The following ASAP1 variants were observed in gnomAD, a reference collection of about 807,000 sequenced individuals.
The protein encoded by ASAP1 is arf-GAP with SH3 domain, ANK repeat and PH domain-containing protein 1.
A neutral mutation model predicts 145.2 loss-of-function variants in ASAP1; 43 were observed. The observed-to-expected ratio is 0.30, with a 90% CI of 0.23 to 0.38. The LOEUF is 0.38. ASAP1 is among the 10% of genes least tolerant of loss of function. The probability of loss-of-function intolerance (pLI) is 1.00; values close to 1 mark genes in which losing one functional copy is unlikely to be tolerated. For synonymous variants in ASAP1, 546 were observed against 515.5 expected (o/e 1.06, Z -0.80); for missense variants, 1,018 against 1,355.3 (o/e 0.75, Z 3.91).
intron 5 of ASAP1, among the ~76,000 whole-genome samples, chr8:130,188,432 A>C (rs1268275243): frequency 6.6e-6 from 1 of 151,994 alleles, no homozygotes; most frequent in Non-Finnish European, 1.5e-5. Flanking sequence ...AGGAGCTAAG[A>C]TTTGAATTTA....
In ASAP1 at chr8:130,052,483, C is replaced by T. The variant is rs2097394842; in HGVS notation, c.*2248G>A. ...GTACAAAATTGCAGATAGTGGCTTA[C>T]TGAGTTTAAGATCAAGATCAGACTT... On this transcript the variant is annotated 3_prime_UTR_variant, in exon 30 of 30. Transcript: ENST00000518721. 1 of 152,484 alleles carries T rather than the reference C, an allele frequency of 6.6e-6. No individual in the cohort carries two copies. The highest frequency in any genetic ancestry group is 2.4e-5 in the African/African-American group (1 of 41,414). 9.4% of individuals were successfully genotyped at this position (152,484 alleles called of 1,614,324 possible).
chr8:130,292,938 A>T (rs1473287875), intron 3 of ASAP1, among the ~76,000 whole-genome samples: 2 of 152,198 alleles, frequency 1.3e-5, no homozygotes, highest in African/African-American at 4.8e-5. Flanking sequence ...CGAATGTACT[A>T]TTATTTTCAT....
At chr8:130,065,351 C>T (rs562195586) in intron 27 of ASAP1, among the ~76,000 whole-genome samples, 2 of 152,272 alleles carry the variant, frequency 1.3e-5, no homozygotes, top group South Asian at 2.1e-4. Context: ...TTGGCCTCCA[C>T]GGGTTTAGCT....
chr8:130,210,515 T>C (rs1409852875), intron 5 of ASAP1, among the ~76,000 whole-genome samples: 1 of 152,174 alleles, frequency 6.6e-6, no homozygotes, highest in Non-Finnish European at 1.5e-5. Context: ...CTCTCACTCT[T>C]TCCAATATGC....
At chr8:130,097,356 T>C (rs2097520685) in intron 24 of ASAP1, among the ~76,000 whole-genome samples, 1 of 152,050 alleles carries the variant, frequency 6.6e-6, no homozygotes, top group African/African-American at 2.4e-5. Flanking sequence ...TCTTCTGATC[T>C]GTTCTTCACC....
chr8:130,235,739 C>T (rs1325758536), intron 4 of ASAP1, among the ~76,000 whole-genome samples: 2 of 152,052 alleles, frequency 1.3e-5, no homozygotes, highest in African/African-American at 2.4e-5. Context: ...GTCTCAAGGC[C>T]TAGGGGGGTT....
At chr8:130,225,873 T>C (rs766964140) in intron 4 of ASAP1, among the ~76,000 whole-genome samples, 3 of 152,060 alleles carry the variant, frequency 2.0e-5, no homozygotes, top group African/African-American at 4.8e-5. Flanking sequence ...TAGAGCTAGG[T>C]AGATTAAGAT....
intron 5 of ASAP1, among the ~76,000 whole-genome samples, chr8:130,211,649 T>A (rs992361935): frequency 6.6e-6 from 1 of 152,214 alleles, no homozygotes; most frequent in African/African-American, 2.4e-5. Context: ...CTTTCCTTTT[T>A]CTCCATAAAA....
chr8:130,075,711 T>A (rs1181958006), intron 27 of ASAP1, among the ~76,000 whole-genome samples: 2 of 152,284 alleles, frequency 1.3e-5, no homozygotes, highest in South Asian at 4.1e-4. Context: ...GAAATTTTGG[T>A]TTCACAAATG....
chr8:130,419,983 G>T (rs1244830546), intron 1 of ASAP1, among the ~76,000 whole-genome samples: 1 of 150,330 alleles, frequency 6.7e-6, no homozygotes, highest in Non-Finnish European at 1.5e-5. Flanking sequence ...AGAGATGGGG[G>T]TCTTGCTATG....
chr8:130,146,665 T>C (rs191893960), intron 13 of ASAP1, among the ~76,000 whole-genome samples: 1 of 152,320 alleles, frequency 6.6e-6, no homozygotes, highest in East Asian at 1.9e-4. Flanking sequence ...GTTTCCTGTA[T>C]GTGCTTTCAG....
intron 28 of ASAP1, 70 bp downstream of exon 28, chr8:130,060,509 C>G: frequency 6.6e-7 from 1 of 1,518,006 alleles, no homozygotes; most frequent in Non-Finnish European, 8.8e-7. Context: ...TAAGTTGGAG[C>G]ACCTGCCCTC....
At chr8:130,200,038 G>T (rs1221806727) in intron 5 of ASAP1, among the ~76,000 whole-genome samples, 1 of 152,142 alleles carries the variant, frequency 6.6e-6, no homozygotes, top group Non-Finnish European at 1.5e-5. Flanking sequence ...TCAGAGCAAG[G>T]CACCAACTAT....
intron 5 of ASAP1, among the ~76,000 whole-genome samples, chr8:130,213,698 A>G (rs1424275989): frequency 6.6e-6 from 1 of 152,180 alleles, no homozygotes; most frequent in East Asian, 1.9e-4. Flanking sequence ...TTTCAACCTC[A>G]TTGTACTCCT....
Position 130,358,714 on chromosome 8 carries a change from C to A in ASAP1, c.60-571G>T, listed in dbSNP as rs1201610197. The stretch of plus-strand genomic sequence containing the variant: ...CCCCAGCCCCGCCCCCCCGGTCCCT[C>A]CCCGCCCGCGCCCCGCCCCCGGCCC... On this transcript the variant is annotated intron_variant, in intron 2 of 29. Transcript: ENST00000518721. The surrounding 1 kb of genome is among the most constrained non-coding windows in gnomAD (Gnocchi z 4.1). Among the ~76,000 whole-genome samples, 1 of 138,222 alleles carries A rather than the reference C, an allele frequency of 7.2e-6. No homozygotes were observed. The highest frequency in any genetic ancestry group is 2.6e-5 in the African/African-American group (1 of 38,526). The allele number at this position is 138,222 out of a possible 152,430, so 90.7% of individuals were successfully genotyped here. A position where few individuals can be genotyped will look rare whatever the true frequency, so the allele number is the denominator to read the frequency against.
intron 3 of ASAP1, among the ~76,000 whole-genome samples, chr8:130,250,219 C>T (rs1819108014): frequency 6.6e-6 from 1 of 152,042 alleles, no homozygotes; most frequent in Non-Finnish European, 1.5e-5. Flanking sequence ...ATTTACTACT[C>T]AAAGACTTCA....
At chr8:130,321,354 G>C (rs1823991908) in intron 3 of ASAP1, among the ~76,000 whole-genome samples, 1 of 152,014 alleles carries the variant, frequency 6.6e-6, no homozygotes, top group Non-Finnish European at 1.5e-5. Context: ...ACACATGAGG[G>C]TCTGGTTCAG....
intron 13 of ASAP1, 186 bp downstream of exon 13, chr8:130,152,550 T>A: frequency 2.5e-6 from 1 of 405,864 alleles, no homozygotes; most frequent in East Asian, 3.5e-5. Context: ...TTTCTAGTGA[T>A]GCCAAAGAAT....
intron 2 of ASAP1, among the ~76,000 whole-genome samples, chr8:130,374,684 A>G (rs1827397471): frequency 6.6e-6 from 1 of 152,236 alleles, no homozygotes; most frequent in Admixed American, 6.5e-5. Context: ...GGGAAGCAGC[A>G]CAGATGTTAA....
Sources: gnomAD v4.1 joint callset for allele counts (sites outside exome capture counted in the v4.1 genomes callset) on GRCh38, gnomAD v4.1.1 for gene constraint, Gnocchi (gnomAD v3.1) non-coding constraint, MANE v1.5 for transcripts, NCBI Gene and HGNC (gene_info 2026-07-23, HGNC 2026-07-21) for gene names.